The following BACH2 variants were observed in gnomAD, a reference collection of about 807,000 sequenced individuals.
The protein encoded by BACH2 is transcription regulator protein BACH2.
BACH2 carries 5 observed loss-of-function variants against 61.8 expected under a neutral mutation model. That is an observed-to-expected ratio of 0.08 (90% CI 0.04 to 0.17). The LOEUF (loss-of-function observed/expected upper bound fraction) is 0.17. Ranked by LOEUF, BACH2 falls within the 10% of genes least tolerant of loss-of-function variation. The probability of loss-of-function intolerance (pLI) is 1.00; values close to 1 mark genes in which losing one functional copy is unlikely to be tolerated. For missense variants in BACH2, 824 were observed against 1,091.1 expected (o/e 0.76, Z 3.45); for synonymous variants, 446 against 440.1 (o/e 1.01, Z -0.17).
chr6:89,979,221 T>A (rs1243594763), intron 6 of BACH2, among the ~76,000 whole-genome samples: 1 of 152,216 alleles, frequency 6.6e-6, no homozygotes, highest in East Asian at 1.9e-4. Flanking sequence ...GTGATCTGGT[T>A]TCAATCCTTC....
At chr6:90,155,058 G>C (rs918437651) in intron 4 of BACH2, among the ~76,000 whole-genome samples, 1 of 152,192 alleles carries the variant, frequency 6.6e-6, no homozygotes, top group Non-Finnish European at 1.5e-5. Context: ...ATTTGAGGCG[G>C]AGTGTCTGCG....
chr6:90,127,082 T>C (rs1321047825), intron 4 of BACH2, among the ~76,000 whole-genome samples: 1 of 152,228 alleles, frequency 6.6e-6, no homozygotes, highest in African/African-American at 2.4e-5. Flanking sequence ...TCAAAATTAA[T>C]TCACAGCAGC....
chr6:90,172,996 C>G (rs542461842), intron 4 of BACH2, among the ~76,000 whole-genome samples: 2 of 152,000 alleles, frequency 1.3e-5, no homozygotes, highest in South Asian at 4.1e-4. Context: ...AGAATGAATA[C>G]TGTTTAGTGT....
At position 90,144,726 on chromosome 6, in the gene BACH2, C is replaced by T. The variant is rs115174974; in HGVS notation, c.-161-55617G>A. On this transcript the variant is annotated intron_variant, in intron 4 of 8. Coordinates refer to ENST00000257749, the MANE Select transcript of BACH2 (RefSeq NM_021813.4). Reference sequence around the variant, plus strand: ...TTCTAGAAGCAAACATAAATAAATTCGTAATCCTTCCTGACACACTCCATT... The same window carrying T: ...TTCTAGAAGCAAACATAAATAAATTTGTAATCCTTCCTGACACACTCCATT... 5.6e-3 allele frequency among the ~76,000 whole-genome samples: 857 copies of T among 152,248 alleles called. 9 individuals are homozygous for T. Among genetic ancestry groups the T allele is most frequent in the African/African-American group, 0.019 (784 of 41,536 alleles).
intron 1 of BACH2, among the ~76,000 whole-genome samples, chr6:90,288,597 T>C (rs902111113): frequency 2.4e-4 from 36 of 152,124 alleles, no homozygotes; most frequent in Non-Finnish European, 4.9e-4. Context: ...TGGGGGTTAC[T>C]GCCATACCAA....
chr6:90,183,377 A>G (rs1768233146), intron 4 of BACH2, among the ~76,000 whole-genome samples: 1 of 152,228 alleles, frequency 6.6e-6, no homozygotes, highest in Non-Finnish European at 1.5e-5. Flanking sequence ...TACAGTCAGT[A>G]AAACTGTTGA....
chr6:90,098,071 C>A (rs1782453625), intron 4 of BACH2, among the ~76,000 whole-genome samples: 1 of 152,160 alleles, frequency 6.6e-6, no homozygotes, highest in South Asian at 2.1e-4. Context: ...GCCTTCCACG[C>A]CTCCTCCATA....
At chr6:90,032,034 T>G (rs922715999) in intron 5 of BACH2, among the ~76,000 whole-genome samples, 1 of 151,540 alleles carries the variant, frequency 6.6e-6, no homozygotes, top group Non-Finnish European at 1.5e-5. Context: ...CAGAACAGAG[T>G]CCTCAGAAAT....
In BACH2 at chr6:89,929,231, A is replaced by C. The variant is rs1772509157; in HGVS notation, c.*3177T>G. 1 of 152,278 alleles carries C rather than the reference A, an allele frequency of 6.6e-6. No individual in the cohort carries two copies. 9.4% of individuals were successfully genotyped at this position (152,278 alleles called of 1,614,324 possible). On this transcript the variant is annotated 3_prime_UTR_variant, in exon 9 of 9. Transcript: ENST00000257749. Reference sequence around the variant, plus strand: ...TTGTAAGAAAAGAGCCTTAAGAACAACCAAATGTTACTGTACTGTGCAAAC... The same window carrying C: ...TTGTAAGAAAAGAGCCTTAAGAACACCCAAATGTTACTGTACTGTGCAAAC...
rs6916708 is a variant in BACH2 at position 90,126,405 on chromosome 6, C to T, written c.-161-37296G>A. 2.3e-3 allele frequency among the ~76,000 whole-genome samples: 348 copies of T among 152,158 alleles called. 1 individual carries two copies. Among genetic ancestry groups the T allele is most frequent in the African/African-American group, 8.0e-3 (331 of 41,500 alleles). ...CTCAGTGCTACTGGCAGATACGGCA[C>T]GGGCAGAAGAGAAAGCTTTGGGTCT... On this transcript the variant is annotated intron_variant, in intron 4 of 8. Coordinates refer to ENST00000257749, the MANE Select transcript of BACH2 (RefSeq NM_021813.4).
chr6:90,120,751 T>C (rs575351570), intron 4 of BACH2, among the ~76,000 whole-genome samples: 111 of 152,372 alleles, frequency 7.3e-4, no homozygotes, highest in Non-Finnish European at 9.7e-4. Context: ...CTCCATCCCC[T>C]GTATAAAATA....
chr6:90,010,965 T>C (rs781162946), intron 5 of BACH2, among the ~76,000 whole-genome samples: 3 of 152,216 alleles, frequency 2.0e-5, no homozygotes, highest in Non-Finnish European at 2.9e-5. Flanking sequence ...GAGTTCTTCA[T>C]ATATTCTGAA....
intron 6 of BACH2, among the ~76,000 whole-genome samples, chr6:89,996,033 T>C (rs1776829011): frequency 1.3e-5 from 2 of 152,212 alleles, no homozygotes; most frequent in Admixed American, 6.5e-5. Flanking sequence ...CCCTTTTTTT[T>C]CCTGTTTCTC....
intron 4 of BACH2, among the ~76,000 whole-genome samples, chr6:90,146,241 T>G (rs1399135159): frequency 1.3e-5 from 2 of 152,250 alleles, no homozygotes; most frequent in Non-Finnish European, 2.9e-5. Flanking sequence ...TTGAACTCTA[T>G]GACATAATGT....
At chr6:90,035,170 T>C (rs1779201896) in intron 5 of BACH2, among the ~76,000 whole-genome samples, 1 of 152,146 alleles carries the variant, frequency 6.6e-6, no homozygotes, top group South Asian at 2.1e-4. Context: ...ACAAAGTTTA[T>C]CTAACTACCC....
rs925080783 is a variant in BACH2 at position 90,223,638 on chromosome 6, T to A, written c.-274-16957A>T. ...TGCACACCACTACACCCAGCTAATTTTTTTTTTGTTTTTTTAAGTAGAGAT... is the reference window on the plus strand; with the variant it reads ...TGCACACCACTACACCCAGCTAATTATTTTTTTGTTTTTTTAAGTAGAGAT... On this transcript the variant is annotated intron_variant, in intron 3 of 8. Transcript: ENST00000257749. 2.0e-5 allele frequency among the ~76,000 whole-genome samples: 3 copies of A among 151,986 alleles called. 1 individual carries two copies. The highest frequency in any genetic ancestry group is 2.9e-5 in the Non-Finnish European group (2 of 68,000).
intron 4 of BACH2, among the ~76,000 whole-genome samples, chr6:90,204,461 T>C (rs1464338298): frequency 6.6e-6 from 1 of 152,108 alleles, no homozygotes; most frequent in Non-Finnish European, 1.5e-5. Flanking sequence ...AGGTGACACA[T>C]CATGCTTAAT....
chr6:90,182,281 C>A (rs1442780507), intron 4 of BACH2, among the ~76,000 whole-genome samples: 1 of 152,220 alleles, frequency 6.6e-6, no homozygotes, highest in African/African-American at 2.4e-5. Flanking sequence ...AATCCCTGAA[C>A]ACGTGGTGTG....
intron 4 of BACH2, among the ~76,000 whole-genome samples, chr6:90,143,951 C>T (rs2127827726): frequency 6.6e-6 from 1 of 152,246 alleles, no homozygotes; most frequent in South Asian, 2.1e-4. Flanking sequence ...GAACTCTTTC[C>T]CCTGTTAGAA....
Sources: allele counts gnomAD v4.1 joint callset (sites outside exome capture counted in the v4.1 genomes callset), GRCh38; gene constraint gnomAD v4.1.1; transcripts MANE v1.5; gene names NCBI Gene and HGNC (gene_info 2026-07-23, HGNC 2026-07-21).